SNX8: variants seen among roughly 807,000 people sequenced by gnomAD.
SNX8 encodes sorting nexin 8.
SNX8 carries 25 observed loss-of-function variants against 51.6 expected under a neutral mutation model. That is an observed-to-expected ratio of 0.48 (90% CI 0.35 to 0.68). The LOEUF (loss-of-function observed/expected upper bound fraction) is 0.68. SNX8 is among the 30% of genes least tolerant of loss of function. The probability of loss-of-function intolerance (pLI) is 0.00; values close to 1 mark genes in which losing one functional copy is unlikely to be tolerated. For synonymous variants in SNX8, 324 were observed against 277.0 expected, an observed-to-expected ratio of 1.17 and a Z score of -1.68; for missense variants, 695 against 624.0, an observed-to-expected ratio of 1.11 and a Z score of -1.21.
At chr7:2,339,749 A>G (rs1778888466) in intron 1 of SNX8, among the ~76,000 whole-genome samples, 1 of 152,174 alleles carries the variant, frequency 6.6e-6, no homozygotes, top group Non-Finnish European at 1.5e-5. Flanking sequence ...ACCAGATATC[A>G]GAAATTATTA....
intron 1 of SNX8, among the ~76,000 whole-genome samples, chr7:2,332,773 G>A (rs148666523): frequency 0.014 from 1,829 of 128,986 alleles, 47 homozygotes; most frequent in African/African-American, 0.055. Context: ...GAAGGAAGGA[G>A]GGAAGGAGGG....
intron 1 of SNX8, among the ~76,000 whole-genome samples, chr7:2,289,106 G>A (rs1175895271): frequency 6.6e-6 from 1 of 152,138 alleles, no homozygotes; most frequent in African/African-American, 2.4e-5. Flanking sequence ...CTCAGCATCA[G>A]GCTGCGAGAC....
intron 1 of SNX8, among the ~76,000 whole-genome samples, chr7:2,309,364 A>G (rs968865000): frequency 2.0e-5 from 3 of 152,150 alleles, no homozygotes; most frequent in African/African-American, 7.2e-5. Flanking sequence ...CGTCTCTACT[A>G]AAAATACAAA....
chr7:2,330,913 G>A (rs189741385), intron 1 of SNX8, among the ~76,000 whole-genome samples: 8 of 152,152 alleles, frequency 5.3e-5, no homozygotes, highest in African/African-American at 1.7e-4. Flanking sequence ...CACCGGGCGC[G>A]GTGGCTCACG....
At chr7:2,322,733 T>C (rs1778548418) in intron 1 of SNX8, among the ~76,000 whole-genome samples, 1 of 150,192 alleles carries the variant, frequency 6.7e-6, no homozygotes, top group Admixed American at 6.7e-5. Flanking sequence ...ATAAATGCTG[T>C]AGGCCAGGTG....
intron 1 of SNX8, among the ~76,000 whole-genome samples, chr7:2,293,107 G>C (rs750579849): frequency 1.5e-4 from 23 of 150,946 alleles, no homozygotes; most frequent in Non-Finnish European, 2.7e-4. Flanking sequence ...ACACCACCAA[G>C]AAAGTGAGAC....
chr7:2,351,993 T>C (rs1232468401), intron 1 of SNX8, among the ~76,000 whole-genome samples: 1 of 144,470 alleles, frequency 6.9e-6, no homozygotes, highest in Admixed American at 7.1e-5. Context: ...CTACGCCCTC[T>C]GCCTCCAGGG....
rs558743874 is a variant in SNX8 at position 2,347,631 on chromosome 7, T to G, written c.-66+6591A>C. 8.6e-3 allele frequency among the ~76,000 whole-genome samples: 1,119 copies of G among 130,224 alleles called. 11 individuals are homozygous for G. Among genetic ancestry groups the G allele is most frequent in the African/African-American group, 0.024 (929 of 39,420 alleles). The allele number at this position is 130,224 out of a possible 152,430, so 85.4% of individuals were successfully genotyped here. A position where few individuals can be genotyped will look rare whatever the true frequency, so the allele number is the denominator to read the frequency against. On this transcript the variant is annotated intron_variant, in intron 1 of 5. Transcript: ENST00000435336. Reference sequence around the variant, plus strand: ...CTGGATTCTTTTTTTTTTTTTTTTTTGCTCATTTTATTTTCTTTTGCTTTG... The same window carrying G: ...CTGGATTCTTTTTTTTTTTTTTTTTGGCTCATTTTATTTTCTTTTGCTTTG...
At chr7:2,259,286 G>C (rs919229413) in intron 7 of SNX8, among the ~76,000 whole-genome samples, 2 of 152,166 alleles carry the variant, frequency 1.3e-5, no homozygotes, top group East Asian at 3.9e-4. Context: ...CGACACTGAC[G>C]CCTTCAGTCA....
At chr7:2,283,510 C>T (rs1795955929) in intron 1 of SNX8, among the ~76,000 whole-genome samples, 3 of 152,212 alleles carry the variant, frequency 2.0e-5, no homozygotes, top group African/African-American at 4.8e-5. Flanking sequence ...AAGGAGACCA[C>T]GAGTGTGGTT....
At chr7:2,297,082 A>G (rs1796289200) in intron 1 of SNX8, among the ~76,000 whole-genome samples, 1 of 152,034 alleles carries the variant, frequency 6.6e-6, no homozygotes, top group Non-Finnish European at 1.5e-5. Flanking sequence ...AAAGAACAAC[A>G]GATGTTGGCG....
chr7:2,336,691 A>T (rs1471887424), intron 1 of SNX8, among the ~76,000 whole-genome samples: 1 of 145,672 alleles, frequency 6.9e-6, no homozygotes, highest in African/African-American at 2.6e-5. Flanking sequence ...CTGGCTACAG[A>T]GCGAGACTCC....
At chr7:2,352,451 A>G (rs1183839156) in intron 1 of SNX8, among the ~76,000 whole-genome samples, 3 of 152,126 alleles carry the variant, frequency 2.0e-5, no homozygotes, top group Non-Finnish European at 2.9e-5. Context: ...ACATCCACAT[A>G]ACTTTTATGA....
At chr7:2,299,225 C>G (rs1441155807) in intron 1 of SNX8, 1 of 152,078 alleles carries the variant, frequency 6.6e-6, no homozygotes, top group East Asian at 1.9e-4. Flanking sequence ...ATATGAACCC[C>G]CCACGCACAC....
chr7:2,325,260 C>T (rs1778602018), intron 1 of SNX8, among the ~76,000 whole-genome samples: 1 of 152,182 alleles, frequency 6.6e-6, no homozygotes, highest in Admixed American at 6.6e-5. Context: ...CCTGCCCCAG[C>T]CTCCCAAAGT....
intron 1 of SNX8, among the ~76,000 whole-genome samples, chr7:2,325,963 T>C (rs1431477184): frequency 6.6e-6 from 1 of 152,198 alleles, no homozygotes; most frequent in African/African-American, 2.4e-5. Flanking sequence ...TTGAATTATA[T>C]GCAAAGCCAA....
chr7:2,259,302 G>C (rs1211294825), intron 7 of SNX8, among the ~76,000 whole-genome samples: 2 of 152,148 alleles, frequency 1.3e-5, no homozygotes, highest in East Asian at 1.9e-4. Flanking sequence ...AGTCACACCC[G>C]GGCCCTGAAG....
chr7:2,257,720 G>T lies in SNX8; in HGVS notation c.984+15C>A. The stretch of plus-strand genomic sequence containing the variant: ...TGAAAGTTCTGCCCCCAGCCAAGGA[G>T]CAGCCAAGACTCACCTTATAGGACT... On this transcript the variant is annotated intron_variant, in intron 8 of 10. Transcript: ENST00000222990. 6.2e-7 allele frequency: 1 copy of T among 1,612,748 alleles called. No homozygotes were observed. The highest frequency in any genetic ancestry group is 8.5e-7 in the Non-Finnish European group (1 of 1,178,878).
rs558409488 is a variant in SNX8, at chr7:2,278,745, C to G, written c.95-440G>C. Among the ~76,000 whole-genome samples, 27 of 82,998 alleles carry G rather than the reference C, an allele frequency of 3.3e-4. 1 individual carries two copies. Among genetic ancestry groups the G allele is most frequent in the African/African-American group, 1.3e-3 (26 of 19,370 alleles). The allele number at this position is 82,998 out of a possible 152,430, so 54.4% of individuals were successfully genotyped here. ...GTCGAAGCCGGACTCACTCACACTA[C>G]GGAGTCGAAGCCGGACTCACTCACA... On this transcript the variant is annotated intron_variant, in intron 1 of 10. Transcript: ENST00000222990.
Sources: gnomAD v4.1 joint callset for allele counts (sites outside exome capture counted in the v4.1 genomes callset) on GRCh38, gnomAD v4.1.1 for gene constraint, MANE v1.5 for transcripts, NCBI Gene and HGNC (gene_info 2026-07-23, HGNC 2026-07-21) for gene names.